The following TBC1D1 variants were observed in gnomAD, a reference collection of about 807,000 sequenced individuals.
TBC1D1 encodes the protein TBC1 (tre-2/USP6, BUB2, cdc16) domain family, member 1.
TBC1D1 carries 89 observed loss-of-function variants against 125.6 expected under a neutral mutation model. That is an observed-to-expected ratio of 0.71 (90% CI 0.60 to 0.85). TBC1D1 has a LOEUF of 0.85. Among genes scored for constraint, TBC1D1 ranks in the 40% least tolerant of loss-of-function variants. The pLI, the probability that TBC1D1 is intolerant of heterozygous loss-of-function variation, is 0.00. For synonymous variants in TBC1D1, 565 were observed against 564.1 expected (o/e 1.00, Z -0.02); for missense variants, 1,377 against 1,469.2 (o/e 0.94, Z 1.03).
chr4:37,918,517 A>G (rs1364642762), intron 2 of TBC1D1, among the ~76,000 whole-genome samples: 2 of 149,866 alleles, frequency 1.3e-5, no homozygotes, highest in African/African-American at 4.9e-5. Flanking sequence ...GCACAATCTC[A>G]GCTCACTGCA....
At chr4:37,960,482 C>G in intron 2 of TBC1D1, 1 of 1,613,938 alleles carries the variant, frequency 6.2e-7, no homozygotes, top group Admixed American at 1.7e-5. Context: ...AACCAGGCAC[C>G]CGTGTGGCTG....
At chr4:38,023,171 C>T (rs1054173170) in intron 6 of TBC1D1, among the ~76,000 whole-genome samples, 3 of 149,700 alleles carry the variant, frequency 2.0e-5, no homozygotes, top group African/African-American at 5.0e-5. Context: ...CATTTGAGCC[C>T]GGGAGATGGA....
At chr4:37,994,131 C>A (rs139229618) in intron 2 of TBC1D1, among the ~76,000 whole-genome samples, 2 of 152,152 alleles carry the variant, frequency 1.3e-5, no homozygotes, top group Admixed American at 6.5e-5. Context: ...AGGCTCTCAT[C>A]GCCTGTCTTT....
intron 12 of TBC1D1, among the ~76,000 whole-genome samples, chr4:38,076,405 A>G (rs1194202379): frequency 6.6e-6 from 1 of 152,160 alleles, no homozygotes; most frequent in Non-Finnish European, 1.5e-5. Flanking sequence ...GCCAAACCAC[A>G]TTAAATCCCA....
intron 2 of TBC1D1, among the ~76,000 whole-genome samples, chr4:37,998,929 G>C (rs898597014): frequency 1.3e-5 from 2 of 152,116 alleles, no homozygotes; most frequent in Admixed American, 1.3e-4. Flanking sequence ...CTTTCCCTAC[G>C]TCATATTAGG....
intron 2 of TBC1D1, among the ~76,000 whole-genome samples, chr4:37,911,069 A>G (rs1417688945): frequency 1.3e-5 from 2 of 151,346 alleles, no homozygotes; most frequent in African/African-American, 4.9e-5. Context: ...AGCTTCCTAA[A>G]AAGTATTTCC....
At chr4:37,894,250 G>A (rs1379772915) in intron 1 of TBC1D1, among the ~76,000 whole-genome samples, 1 of 152,134 alleles carries the variant, frequency 6.6e-6, no homozygotes, top group African/African-American at 2.4e-5. Context: ...GCCTCCCAAA[G>A]TGCTGGGATT....
At chr4:37,964,981 C>T (rs549815418) in intron 2 of TBC1D1, among the ~76,000 whole-genome samples, 9 of 152,342 alleles carry the variant, frequency 5.9e-5, no homozygotes, top group African/African-American at 2.2e-4. Context: ...GAGCATGAAG[C>T]CCTGTGTTTG....
At chr4:38,050,234 C>A (rs1252987296) in intron 11 of TBC1D1, among the ~76,000 whole-genome samples, 1 of 152,114 alleles carries the variant, frequency 6.6e-6, no homozygotes, top group African/African-American at 2.4e-5. Context: ...CATCTGAAGC[C>A]CTGGAGCAGG....
In TBC1D1 at chr4:38,089,931, G is replaced by C. The variant is rs370944565; in HGVS notation, c.2051-1G>C. ...TTCTGGAATGCCGTCTCCCTTTCCA[G>C]ATTATTCAGAGCTGGGAGAGCTTCC... On this transcript the variant is annotated splice_acceptor_variant, in intron 12 of 19. Coordinates refer to ENST00000261439, the MANE Select transcript of TBC1D1 (RefSeq NM_015173.4). LOFTEE classifies it high-confidence loss of function. 2.6e-6 allele frequency: 4 copies of C among 1,563,022 alleles called. No individual in the cohort carries two copies. The highest frequency in any genetic ancestry group is 2.3e-5 in the East Asian group (1 of 43,944).
intron 15 of TBC1D1, 84 bp from the exon 18 acceptor site, chr4:38,115,626 A>G: frequency 1.4e-6 from 2 of 1,451,620 alleles, no homozygotes; most frequent in East Asian, 4.6e-5. Context: ...TTTGCTGCTT[A>G]ATCTGAAGCA....
chr4:38,003,721 A>T (rs895879528), intron 2 of TBC1D1, among the ~76,000 whole-genome samples: 7 of 152,104 alleles, frequency 4.6e-5, no homozygotes, highest in Admixed American at 3.9e-4. Context: ...CAAAAAAGCT[A>T]GCCAGGCATG....
chr4:38,020,553 T>A (rs750006501), intron 4 of TBC1D1, 38 bp from the exon 5 acceptor site: 1 of 1,552,374 alleles, frequency 6.4e-7, no homozygotes, highest in Non-Finnish European at 8.9e-7. Context: ...GTGCGTCTTC[T>A]GGATACAACT....
chr4:38,060,611 CTTT>C, intron 12 of TBC1D1: 1 of 1,289,000 alleles, frequency 7.8e-7, no homozygotes, highest in Non-Finnish European at 1.0e-6. Context: ...AGCCTTCTCT[CTTT>C]TTCAGAACCT....
At chr4:37,923,223 G>A (rs1721392660) in intron 2 of TBC1D1, among the ~76,000 whole-genome samples, 1 of 152,046 alleles carries the variant, frequency 6.6e-6, no homozygotes, top group Non-Finnish European at 1.5e-5. Context: ...TTCTGTTCCT[G>A]TGTAGTTTGC....
intron 19 of TBC1D1, among the ~76,000 whole-genome samples, chr4:38,133,680 A>C (rs2152640452): frequency 6.6e-6 from 1 of 152,352 alleles, no homozygotes; most frequent in East Asian, 1.9e-4. Flanking sequence ...TAAATATAAC[A>C]AACCAGAAGA....
intron 2 of TBC1D1, among the ~76,000 whole-genome samples, chr4:37,914,454 A>G (rs1719280415): frequency 6.6e-6 from 1 of 151,918 alleles, no homozygotes; most frequent in African/African-American, 2.4e-5. Flanking sequence ...AAATTATTCA[A>G]CCCATTGCAA....
intron 2 of TBC1D1, among the ~76,000 whole-genome samples, chr4:37,966,419 G>A (rs976534641): frequency 2.0e-5 from 3 of 152,168 alleles, no homozygotes; most frequent in African/African-American, 7.2e-5. Flanking sequence ...CTACTTAGAA[G>A]CGTTTAAAAA....
intron 2 of TBC1D1, among the ~76,000 whole-genome samples, chr4:37,918,845 T>C (rs1720297193): frequency 6.6e-6 from 1 of 152,238 alleles, no homozygotes; most frequent in South Asian, 2.1e-4. Context: ...AAATGATGTA[T>C]TATGTGTATT....
Sources: allele counts gnomAD v4.1 joint callset (sites outside exome capture counted in the v4.1 genomes callset), GRCh38; gene constraint gnomAD v4.1.1; transcripts MANE v1.5; gene names NCBI Gene and HGNC (gene_info 2026-07-23, HGNC 2026-07-21).